BCAS3: variants seen among roughly 807,000 people sequenced by gnomAD.
BCAS3 encodes BCAS3 microtubule associated cell migration factor, also known as BCAS4/BCAS3 fusion.
Under a neutral mutation model 116.1 loss-of-function variants are expected in BCAS3, and 53 were observed. The observed-to-expected ratio is 0.46, with a 90% CI of 0.37 to 0.57. The LOEUF (loss-of-function observed/expected upper bound fraction) is 0.57. Among genes scored for constraint, BCAS3 ranks in the 20% least tolerant of loss-of-function variants. The pLI is 0.00. For synonymous variants in BCAS3, 391 were observed against 408.2 expected (o/e 0.96, Z 0.51); for missense variants, 917 against 1,165.4 (o/e 0.79, Z 3.10).
At chr17:60,899,528 C>T (rs1053452514) in intron 10 of BCAS3, among the ~76,000 whole-genome samples, 1 of 152,064 alleles carries the variant, frequency 6.6e-6, no homozygotes, top group Non-Finnish European at 1.5e-5. Flanking sequence ...GATGGAGTCT[C>T]GCTCTGTTGC....
intron 22 of BCAS3, among the ~76,000 whole-genome samples, chr17:61,191,577 C>T (rs1001427018): frequency 4.6e-5 from 7 of 151,532 alleles, no homozygotes; most frequent in African/African-American, 1.2e-4. Flanking sequence ...AGATTGAGAC[C>T]ATGCTGGCTA....
chr17:61,088,462 A>G lies in BCAS3; in HGVS notation c.2425+3898A>G, dbSNP rs755392005. On this transcript the variant is annotated intron_variant, in intron 22 of 23. Coordinates refer to ENST00000407086, the MANE Select transcript of BCAS3 (RefSeq NM_017679.5). This position sits in a 1 kb window ranked among gnomAD's most constrained non-coding sequence, Gnocchi z 4.2. ...AATTTATTCATTTTCCTGTATGTTC[A>G]TTTTGGCTAGATAGCTAAGAATTTC... is the stretch of plus-strand genomic sequence containing the variant. Among the ~76,000 whole-genome samples the G allele has an allele frequency of 3.3e-5, 5 of 152,222 alleles. No homozygotes were observed. Among genetic ancestry groups the G allele is most frequent in the Non-Finnish European group, 7.3e-5 (5 of 68,028 alleles).
chr17:61,218,416 G>A (rs898439884), intron 22 of BCAS3, among the ~76,000 whole-genome samples: 14 of 152,216 alleles, frequency 9.2e-5, no homozygotes, highest in South Asian at 2.1e-4. Flanking sequence ...ACTCTGAGAC[G>A]TACATGCTGT....
chr17:61,372,447 A>G (rs2059099369), intron 23 of BCAS3, among the ~76,000 whole-genome samples: 1 of 152,180 alleles, frequency 6.6e-6, no homozygotes, highest in Non-Finnish European at 1.5e-5. Context: ...TGATTTCCAA[A>G]TAATTTCCAA....
chr17:60,701,174 G>T (rs1241817738), intron 4 of BCAS3, among the ~76,000 whole-genome samples: 1 of 151,532 alleles, frequency 6.6e-6, no homozygotes, highest in Admixed American at 6.6e-5. Context: ...AACTGGGGAG[G>T]CGGAGGTTGC....
At chr17:61,310,670 C>G (rs979051242) in intron 22 of BCAS3, among the ~76,000 whole-genome samples, 1 of 152,080 alleles carries the variant, frequency 6.6e-6, no homozygotes, top group Admixed American at 6.5e-5. Context: ...TTAAGCCGAG[C>G]TATGAACCAA....
intron 7 of BCAS3, among the ~76,000 whole-genome samples, chr17:60,826,277 G>A (rs1300776623): frequency 3.3e-5 from 5 of 151,570 alleles, no homozygotes; most frequent in African/African-American, 7.3e-5. Flanking sequence ...TTCACCTCCC[G>A]GTTTCAAGCA....
chr17:61,232,400 G>A (rs2082740223), intron 22 of BCAS3, among the ~76,000 whole-genome samples: 1 of 150,648 alleles, frequency 6.6e-6, no homozygotes, highest in Non-Finnish European at 1.5e-5. Flanking sequence ...CAAAAAAAAG[G>A]TGGGGGGTGG....
Position 60,910,576 on chromosome 17 carries a change from G to T in BCAS3, c.867G>T (p.Gln289His). 6.2e-7 allele frequency: 1 copy of T among 1,610,766 alleles called. No homozygotes were observed. The highest frequency in any genetic ancestry group is 8.5e-7 in the Non-Finnish European group (1 of 1,178,546). Reference protein sequence around the residue: ...GLTMVGKVVTQLTGTLPSGVT... With the variant: ...GLTMVGKVVTHLTGTLPSGVT... ...CAATGGTAGGGAAAGTGGTGACTCA[G>T]CTGACAGGCACACTGCCTTCAGGTG... The change falls in exon 12 of 24, where the codon CAG (glutamine) becomes CAT (histidine). Residue 289 changes from glutamine (Q) to histidine (H), a missense_variant. By Grantham distance (24) the Gln-to-His change is conservative. Transcript: ENST00000407086.
intron 22 of BCAS3, among the ~76,000 whole-genome samples, chr17:61,168,929 C>T (rs2078677834): frequency 6.6e-6 from 1 of 152,038 alleles, no homozygotes; most frequent in South Asian, 2.1e-4. Context: ...TCCTAATGCC[C>T]ACAAATGGAA....
intron 22 of BCAS3, among the ~76,000 whole-genome samples, chr17:61,303,240 G>A (rs897859622): frequency 3.3e-5 from 5 of 152,178 alleles, no homozygotes; most frequent in African/African-American, 1.2e-4. Context: ...GCTGCAGGAG[G>A]CCCAGTCTGT....
intron 15 of BCAS3, among the ~76,000 whole-genome samples, chr17:60,999,546 CAAA>C (rs1021249439): frequency 6.4e-5 from 4 of 62,906 alleles, no homozygotes; most frequent in African/African-American, 4.4e-5. Flanking sequence ...GACTGTGTCT[CAAA>C]AAAAAAAAAA....
At position 61,028,619 on chromosome 17, in the gene BCAS3, A is replaced by G. The variant is rs576448890; in HGVS notation, c.1638-6047A>G. On this transcript the variant is annotated intron_variant, in intron 16 of 23. Coordinates refer to ENST00000407086, the MANE Select transcript of BCAS3 (RefSeq NM_017679.5). The surrounding 1 kb of genome is among the most constrained non-coding windows in gnomAD (Gnocchi z 4.3). ...GAATAACAACTGTTGTATGTTAAGT[A>G]AGTAAAGTTCATTCCTTCAACAGCT... Among the ~76,000 whole-genome samples, 9 of 152,072 alleles carry G rather than the reference A, an allele frequency of 5.9e-5. No individual in the cohort carries two copies. The highest frequency in any genetic ancestry group is 3.9e-4 in the East Asian group (2 of 5,190).
rs2073117654 is a variant in BCAS3, at chr17:61,086,677, A to G, written c.2425+2113A>G. ...GTAGGAAAGAACTTCTTGGTGGCTA[A>G]GCTTTATTATTATTTTTCTAGGCCT... On this transcript the variant is annotated intron_variant, in intron 22 of 23. Coordinates refer to ENST00000407086, the MANE Select transcript of BCAS3 (RefSeq NM_017679.5). The G allele has an allele frequency of 6.1e-6, 6 of 985,200 alleles. No homozygotes were observed. In the South Asian group the frequency reaches 2.8e-4, roughly 46 times the overall value. The allele number at this position is 985,200 out of a possible 1,614,324, so 61.0% of individuals were successfully genotyped here.
chr17:60,907,065 T>C (rs2058227214), intron 11 of BCAS3, among the ~76,000 whole-genome samples: 1 of 152,202 alleles, frequency 6.6e-6, no homozygotes, highest in Admixed American at 6.5e-5. Flanking sequence ...AGGATAAATA[T>C]ATTCATTGCA....
rs1012988388 is a variant in BCAS3, at chr17:61,179,336, A to G, written c.2425+94772A>G. 6.2e-5 allele frequency among the ~76,000 whole-genome samples: 9 copies of G among 145,314 alleles called. No individual in the cohort carries two copies. In the East Asian group the frequency reaches 1.4e-3, roughly 23 times the overall value. ...TCAATACTTGGCCCTCACAGATGTCAGTGCATGGATAGAAAAATTTCATTG... is the reference window on the plus strand; with the variant it reads ...TCAATACTTGGCCCTCACAGATGTCGGTGCATGGATAGAAAAATTTCATTG... On this transcript the variant is annotated intron_variant, in intron 22 of 23. Coordinates refer to ENST00000407086, the MANE Select transcript of BCAS3 (RefSeq NM_017679.5).
chr17:60,776,533 AC>A (rs1231512301), intron 6 of BCAS3, among the ~76,000 whole-genome samples: 1 of 152,046 alleles, frequency 6.6e-6, no homozygotes, highest in African/African-American at 2.4e-5. Flanking sequence ...AGCCTGACCA[AC>A]ATAGTGAAAA....
chr17:61,044,465 A>AATATATATATATATATATATATAT (rs1555683922), intron 19 of BCAS3, among the ~76,000 whole-genome samples: 5 of 120,112 alleles, frequency 4.2e-5, no homozygotes, highest in East Asian at 2.3e-4. Flanking sequence ...AAAAAAAAAA[A>AATATATATATATATATATATATAT]ATATATATAT....
intron 6 of BCAS3, among the ~76,000 whole-genome samples, chr17:60,784,161 C>T (rs961010295): frequency 1.3e-5 from 2 of 151,080 alleles, no homozygotes; most frequent in African/African-American, 2.4e-5. Context: ...GGCATCTTAT[C>T]TAAAGGAGTG....
Sources: gnomAD v4.1 joint callset for allele counts (sites outside exome capture counted in the v4.1 genomes callset) on GRCh38, gnomAD v4.1.1 for gene constraint, Gnocchi (gnomAD v3.1) non-coding constraint, MANE v1.5 for transcripts, NCBI Gene and HGNC (gene_info 2026-07-23, HGNC 2026-07-21) for gene names.